Variants in OSBPL10 observed in about 807,000 individuals in gnomAD.
The protein encoded by OSBPL10 is oxysterol-binding protein-related protein 10.
In OSBPL10, 49 loss-of-function variants were observed where a neutral mutation model predicts 81.7. The observed-to-expected ratio is 0.60, with a 90% confidence interval of 0.48 to 0.76. OSBPL10 has a LOEUF of 0.76. Among genes scored for constraint, OSBPL10 ranks in the 30% least tolerant of loss-of-function variants. The probability of loss-of-function intolerance (pLI) is 0.00; values close to 1 mark genes in which losing one functional copy is unlikely to be tolerated. For missense variants in OSBPL10, 923 were observed against 987.8 expected, an observed-to-expected ratio of 0.93 and a Z score of 0.88; for synonymous variants, 419 against 383.6, an observed-to-expected ratio of 1.09 and a Z score of -1.08.
At chr3:31,944,070 C>T (rs1349040477) in intron 1 of OSBPL10, among the ~76,000 whole-genome samples, 1 of 151,062 alleles carries the variant, frequency 6.6e-6, no homozygotes, top group Non-Finnish European at 1.5e-5. Context: ...TTAACTATTC[C>T]CCAATTTAGG....
At chr3:31,987,640 C>G (rs34175614) in intron 2 of OSBPL10, among the ~76,000 whole-genome samples, 24,722 of 152,164 alleles carry the variant, frequency 0.16, 2,257 homozygotes, top group South Asian at 0.32. Flanking sequence ...GGTCTCTCAT[C>G]CTCTAGCAGG....
At chr3:31,781,737 T>C (rs1216564130) in intron 4 of OSBPL10, among the ~76,000 whole-genome samples, 1 of 152,198 alleles carries the variant, frequency 6.6e-6, no homozygotes, top group Non-Finnish European at 1.5e-5. Flanking sequence ...TACTTTGGAA[T>C]ATACCTAACT....
At chr3:31,671,664 T>TA (rs1331352643) in intron 8 of OSBPL10, among the ~76,000 whole-genome samples, 2 of 152,186 alleles carry the variant, frequency 1.3e-5, no homozygotes, top group African/African-American at 4.8e-5. Context: ...CTGTAACACT[T>TA]ACTGCCCACG....
intron 1 of OSBPL10, among the ~76,000 whole-genome samples, chr3:32,053,583 T>C (rs1419756069): frequency 6.6e-6 from 1 of 152,202 alleles, no homozygotes; most frequent in Non-Finnish European, 1.5e-5. Flanking sequence ...GATGTGTCTA[T>C]GAATTTTCAT....
chr3:31,701,441 CAT>C (rs536488892), intron 7 of OSBPL10, among the ~76,000 whole-genome samples: 32 of 152,326 alleles, frequency 2.1e-4, no homozygotes, highest in African/African-American at 5.8e-4. Flanking sequence ...AACCACATAA[CAT>C]AGCATTTCGT....
chr3:31,908,915 T>C (rs546926633), intron 1 of OSBPL10, among the ~76,000 whole-genome samples: 19 of 152,316 alleles, frequency 1.2e-4, no homozygotes, highest in Admixed American at 7.8e-4. Flanking sequence ...TAGTAACCAA[T>C]TGGAAACCTT....
intron 7 of OSBPL10, among the ~76,000 whole-genome samples, chr3:31,693,309 T>A (rs572007333): frequency 2.0e-5 from 3 of 152,198 alleles, no homozygotes; most frequent in Non-Finnish European, 4.4e-5. Flanking sequence ...TTGTGATTGA[T>A]GCTAGAAATT....
At chr3:31,765,160 G>A (rs1306513459) in intron 4 of OSBPL10, among the ~76,000 whole-genome samples, 1 of 152,030 alleles carries the variant, frequency 6.6e-6, no homozygotes, top group Non-Finnish European at 1.5e-5. Flanking sequence ...TGGGATTACA[G>A]GCATGTGCCA....
At chr3:31,769,076 G>T (rs1190345054) in intron 4 of OSBPL10, among the ~76,000 whole-genome samples, 1 of 152,016 alleles carries the variant, frequency 6.6e-6, no homozygotes, top group African/African-American at 2.4e-5. Flanking sequence ...ATAAGAAAGG[G>T]GCCCTTAAGA....
intron 6 of OSBPL10, among the ~76,000 whole-genome samples, chr3:31,731,814 C>T (rs147676374): frequency 2.6e-5 from 4 of 152,224 alleles, no homozygotes; most frequent in Non-Finnish European, 5.9e-5. Context: ...CACAGATAAT[C>T]GTATGCTAAT....
chr3:31,742,660 G>C (rs1697389814), intron 5 of OSBPL10, among the ~76,000 whole-genome samples: 1 of 152,148 alleles, frequency 6.6e-6, no homozygotes, highest in African/African-American at 2.4e-5. Flanking sequence ...TCTAGTTACA[G>C]GCATCTGCCC....
In OSBPL10 at chr3:31,854,264, C is replaced by G. The variant is rs1040119934; in HGVS notation, c.537+22169G>C. On this transcript the variant is annotated intron_variant, in intron 3 of 11. Transcript: ENST00000396556. ...GGTTTTATCAAAGGCCTGCTCTGAT[C>G]TTCCTTTTAAACGTCATCTTCCACA... is the stretch of plus-strand genomic sequence containing the variant. 2.6e-5 allele frequency among the ~76,000 whole-genome samples: 4 copies of G among 151,870 alleles called. No individual in the cohort carries two copies. In the East Asian group the frequency reaches 5.8e-4, roughly 22 times the overall value.
At chr3:32,032,167 C>G (rs967193121) in intron 2 of OSBPL10, among the ~76,000 whole-genome samples, 2 of 151,988 alleles carry the variant, frequency 1.3e-5, no homozygotes, top group African/African-American at 4.8e-5. Flanking sequence ...GCCTGTAATC[C>G]CAACACTTTG....
At chr3:31,722,170 A>G (rs1173009679) in intron 6 of OSBPL10, among the ~76,000 whole-genome samples, 5 of 152,222 alleles carry the variant, frequency 3.3e-5, no homozygotes, top group Non-Finnish European at 5.9e-5. Context: ...TCATCTTAAC[A>G]GCCAAATTAT....
chr3:31,926,512 A>C (rs1237781805), intron 1 of OSBPL10, among the ~76,000 whole-genome samples: 1 of 152,144 alleles, frequency 6.6e-6, no homozygotes, highest in African/African-American at 2.4e-5. Context: ...CTTCCTCATG[A>C]GATTACTATA....
At chr3:31,967,030 G>T (rs1324831750) in intron 1 of OSBPL10, among the ~76,000 whole-genome samples, 3 of 150,926 alleles carry the variant, frequency 2.0e-5, no homozygotes, top group Admixed American at 2.0e-4. Flanking sequence ...TTAATAAATG[G>T]TTAAAACACA....
intron 8 of OSBPL10, among the ~76,000 whole-genome samples, chr3:31,679,541 A>C (rs1331434343): frequency 6.6e-6 from 1 of 152,218 alleles, no homozygotes; most frequent in Non-Finnish European, 1.5e-5. Context: ...AACATGATTA[A>C]AATACTAACT....
chr3:31,843,938 T>C (rs1481044543), intron 3 of OSBPL10, among the ~76,000 whole-genome samples: 1 of 152,194 alleles, frequency 6.6e-6, no homozygotes, highest in East Asian at 1.9e-4. Context: ...CCAGATGCTC[T>C]GAGCAGAGAG....
intron 8 of OSBPL10, among the ~76,000 whole-genome samples, chr3:31,677,800 G>GATGTTGGTTA (rs1700518899): frequency 6.6e-6 from 1 of 152,090 alleles, no homozygotes; most frequent in African/African-American, 2.4e-5. Flanking sequence ...ACAGAGCAAA[G>GATGTTGGTTA]GCCGGGCGCG....
Sources: allele counts gnomAD v4.1 joint callset (sites outside exome capture counted in the v4.1 genomes callset), GRCh38; gene constraint gnomAD v4.1.1; transcripts MANE v1.5; gene names NCBI Gene and HGNC (gene_info 2026-07-23, HGNC 2026-07-21).